Variants in EML2 observed in about 807,000 individuals in gnomAD.
EML2 encodes the protein echinoderm microtubule-associated protein-like 2.
In EML2, 59 loss-of-function variants were observed where a neutral mutation model predicts 84.7. The ratio of observed to expected loss-of-function variants is 0.70; its 90% CI spans 0.56 to 0.86. EML2 has a LOEUF of 0.86. Among genes scored for constraint, EML2 ranks in the 40% least tolerant of loss-of-function variants. The probability of loss-of-function intolerance (pLI) is 0.00; values close to 1 mark genes in which losing one functional copy is unlikely to be tolerated. For missense variants in EML2, 818 were observed against 855.6 expected, an observed-to-expected ratio of 0.96 and a Z score of 0.55; for synonymous variants, 352 against 348.9, an observed-to-expected ratio of 1.01 and a Z score of -0.10.
intron 8 of EML2, 131 bp from the exon 9 acceptor site, chr19:45,624,949 G>T: frequency 1.5e-6 from 1 of 654,120 alleles, no homozygotes. Context: ...GCTCTGCGTG[G>T]AGCATCCCTT....
intron 15 of EML2, 24 bp downstream of exon 15, chr19:45,616,437 G>T: frequency 6.4e-7 from 1 of 1,558,800 alleles, no homozygotes; most frequent in African/African-American, 1.4e-5. Context: ...TGGCGGCGCG[G>T]GCTGGGGGCC....
At chr19:45,626,108 C>T (rs1051089299) in intron 8 of EML2, among the ~76,000 whole-genome samples, 5 of 152,074 alleles carry the variant, frequency 3.3e-5, no homozygotes, top group Non-Finnish European at 7.4e-5. Flanking sequence ...AACTTCTGGG[C>T]TCAAGGGATC....
At chr19:45,623,717 A>G (rs1357381882) in intron 9 of EML2, among the ~76,000 whole-genome samples, 1 of 151,904 alleles carries the variant, frequency 6.6e-6, no homozygotes, top group Non-Finnish European at 1.5e-5. Context: ...TGCCAGGCTA[A>G]TTTTTGTATT....
chr19:45,612,676 C>A (rs1267899543), intron 18 of EML2, among the ~76,000 whole-genome samples: 1 of 151,324 alleles, frequency 6.6e-6, no homozygotes, highest in African/African-American at 2.4e-5. Flanking sequence ...GAGACCCTGT[C>A]TCAAAAATAA....
chr19:45,619,081 G>C lies in EML2; in HGVS notation c.1233C>G (p.Pro411=), dbSNP rs772360391. 19 of 1,612,964 alleles carry C rather than the reference G, an allele frequency of 1.2e-5. No individual in the cohort carries two copies. The highest frequency in any genetic ancestry group is 2.2e-5 in the East Asian group (1 of 44,882). ...VHLWSSDSHQ[P]LWSRIIEDPA... is the part of the protein sequence containing the mutation. ...TTACCTCGATGATCCTGCTCCACAGGGGCTGGTGGGAATCTGAGCTCCATA... is the reference window on the plus strand; with the variant it reads ...TTACCTCGATGATCCTGCTCCACAGCGGCTGGTGGGAATCTGAGCTCCATA... Residue 411 remains proline (P), a synonymous_variant, in exon 12 of 19, where the codon CCC becomes CCG. Coordinates refer to ENST00000245925, the MANE Select transcript of EML2 (RefSeq NM_012155.4).
intron 12 of EML2, 89 bp downstream of exon 12, chr19:45,618,971 T>G: frequency 1.5e-6 from 2 of 1,328,644 alleles, no homozygotes; most frequent in Non-Finnish European, 2.0e-6. Flanking sequence ...AAAGACCTTG[T>G]TTGGTTTCAG....
At chr19:45,621,882 T>C (rs1971758357) in intron 9 of EML2, among the ~76,000 whole-genome samples, 1 of 151,822 alleles carries the variant, frequency 6.6e-6, no homozygotes, top group Non-Finnish European at 1.5e-5. Context: ...GTAGCTGGGA[T>C]TACAGGCGCC....
intron 8 of EML2, 139 bp from the exon 9 acceptor site, chr19:45,624,957 C>G (rs1380524329): frequency 1.6e-6 from 1 of 636,138 alleles, no homozygotes; most frequent in Non-Finnish European, 2.8e-6. Flanking sequence ...TGGAGCATCC[C>G]TTCTCCCACC....
upstream of EML2, chr19:45,645,564 A>C (rs113572693): frequency 3.2e-3 from 3,042 of 951,428 alleles, 76 homozygotes; most frequent in African/African-American, 0.049. Flanking sequence ...ACACAATCCT[A>C]GGGCCAGGAT....
upstream of EML2, chr19:45,645,542 C>G (rs1974975797): frequency 2.7e-6 from 3 of 1,123,400 alleles, no homozygotes. Context: ...ACACCGCCTG[C>G]CAAGCCCCCC....
chr19:45,616,857 G>T lies in EML2; in HGVS notation c.1323-4C>A. On this transcript the variant is annotated splice_polypyrimidine_tract_variant and splice_region_variant and intron_variant, in intron 13 of 18. Coordinates refer to ENST00000245925, the MANE Select transcript of EML2 (RefSeq NM_012155.4). ...CTCCGTGTCCAGCAGCAGCCATCTTGAAGGAGAGGGCGTGGTGGGGGGAGG... is the reference window on the plus strand; with the variant it reads ...CTCCGTGTCCAGCAGCAGCCATCTTTAAGGAGAGGGCGTGGTGGGGGGAGG... 6 of 1,610,854 alleles carry T rather than the reference G, an allele frequency of 3.7e-6. No individual in the cohort carries two copies. Among genetic ancestry groups the T allele is most frequent in the Non-Finnish European group, 5.1e-6 (6 of 1,178,288 alleles).
chr19:45,639,829 A>G (rs1974246922), upstream of EML2, among the ~76,000 whole-genome samples: 1 of 152,052 alleles, frequency 6.6e-6, no homozygotes, highest in South Asian at 2.1e-4. Context: ...CCCCGTCTCT[A>G]CTAAAAATAC....
intron 7 of EML2, among the ~76,000 whole-genome samples, chr19:45,628,096 G>A (rs1357327864): frequency 6.6e-6 from 1 of 150,956 alleles, no homozygotes; most frequent in Non-Finnish European, 1.5e-5. Flanking sequence ...AGAGGGCCGG[G>A]TGTAGTGGCT....
intron 15 of EML2, chr19:45,616,260 C>T: frequency 1.8e-6 from 1 of 548,046 alleles, no homozygotes; most frequent in Non-Finnish European, 3.2e-6. Context: ...ATGGGCTTAG[C>T]ACGTGGGGGC....
chr19:45,626,381 T>A (rs1329985848), intron 8 of EML2, among the ~76,000 whole-genome samples: 5 of 29,482 alleles, frequency 1.7e-4, no homozygotes, highest in Non-Finnish European at 2.8e-4. Context: ...TCCTCACAAC[T>A]TTTTTTTTTT....
intron 18 of EML2, among the ~76,000 whole-genome samples, chr19:45,610,151 A>T (rs192117600): frequency 2.8e-3 from 424 of 152,216 alleles, no homozygotes; most frequent in African/African-American, 9.6e-3. Context: ...TAATCCCAGC[A>T]CTTTGGGAGG....
chr19:45,620,972 CAG>C lies in EML2; in HGVS notation c.1122+233_1122+234del, dbSNP rs924227503. The C allele has an allele frequency of 4.6e-5, 30 of 646,936 alleles. No individual in the cohort carries two copies. In the African/African-American group the frequency reaches 5.2e-4, roughly 11 times the overall value. 40.1% of individuals were successfully genotyped at this position (646,936 alleles called of 1,614,324 possible). On this transcript the variant is annotated intron_variant, in intron 11 of 18. Transcript: ENST00000245925. ...CAACCTGAAGGGTGCCACCCCCAAT[CAG>C]AGTGGCAGGAGGCAGCACAGTTGGA... is the stretch of plus-strand genomic sequence containing the variant.
At chr19:45,637,667 C>CTTTTTTTTTT (rs58180181) in intron 3 of EML2, among the ~76,000 whole-genome samples, 31 of 48,918 alleles carry the variant, frequency 6.3e-4, no homozygotes, top group East Asian at 1.9e-3. Context: ...TTTTTCTTTT[C>CTTTTTTTTTT]TTTTTTTTTT....
At chr19:45,641,674 G>A (rs1339301352), upstream of EML2, 2 of 1,536,186 alleles carry the variant, frequency 1.3e-6, no homozygotes, top group African/African-American at 2.7e-5. Context: ...GCTGCTGGAG[G>A]ATGTGGTCCG....
Sources: allele counts gnomAD v4.1 joint callset (sites outside exome capture counted in the v4.1 genomes callset), GRCh38; gene constraint gnomAD v4.1.1; transcripts MANE v1.5; gene names NCBI Gene and HGNC (gene_info 2026-07-23, HGNC 2026-07-21).